Variants in LUZP2 observed in about 807,000 individuals in gnomAD.
LUZP2 encodes the protein leucine zipper protein 2.
In LUZP2, 52 loss-of-function variants were observed where a neutral mutation model predicts 51.6. That is an observed-to-expected ratio of 1.01 (90% CI 0.81 to 1.27). The LOEUF (loss-of-function observed/expected upper bound fraction) is 1.27. Ranked by LOEUF, LUZP2 falls within the 50% of genes most tolerant of loss-of-function variation. The pLI is 0.00. For missense variants in LUZP2, 436 were observed against 395.4 expected (o/e 1.10, Z -0.87); for synonymous variants, 154 against 137.3 (o/e 1.12, Z -0.85).
At chr11:24,635,024 A>G (rs1169730415) in intron 1 of LUZP2, among the ~76,000 whole-genome samples, 2 of 151,954 alleles carry the variant, frequency 1.3e-5, no homozygotes, top group Admixed American at 6.6e-5. Flanking sequence ...TATCCTTGTT[A>G]CCTTTTACCA....
At chr11:24,631,647 C>T (rs950157201) in intron 1 of LUZP2, among the ~76,000 whole-genome samples, 13 of 151,688 alleles carry the variant, frequency 8.6e-5, no homozygotes, top group African/African-American at 2.2e-4. Context: ...TCAGGGATAT[C>T]GGTCTGTAGT....
rs148343232 is a variant in LUZP2 at position 24,926,443 on chromosome 11, A to G, written c.522+11905A>G. Among the ~76,000 whole-genome samples, 751 of 143,448 alleles carry G rather than the reference A, an allele frequency of 5.2e-3. 29 individuals are homozygous for G. Among genetic ancestry groups the G allele is most frequent in the African/African-American group, 0.019 (717 of 38,214 alleles). The allele number at this position is 143,448 out of a possible 152,430, so 94.1% of individuals were successfully genotyped here. A position where few individuals can be genotyped will look rare whatever the true frequency, so the allele number is the denominator to read the frequency against. ...TATATGTGTGTATATATATACGTGT[A>G]TATATGTGTGTGTATATATATACGT... On this transcript the variant is annotated intron_variant, in intron 7 of 11. Transcript: ENST00000336930.
intron 1 of LUZP2, among the ~76,000 whole-genome samples, chr11:24,562,899 C>G (rs1483002632): frequency 1.3e-5 from 2 of 150,084 alleles, no homozygotes; most frequent in Non-Finnish European, 3.0e-5. Context: ...TAATTAATAA[C>G]TGGGTCATGA....
intron 1 of LUZP2, among the ~76,000 whole-genome samples, chr11:24,564,378 G>C (rs1282931763): frequency 1.3e-5 from 2 of 152,012 alleles, no homozygotes; most frequent in African/African-American, 2.4e-5. Context: ...TAATATAACT[G>C]AAATTTTAAT....
At chr11:24,957,864 A>G (rs1855255892) in intron 7 of LUZP2, among the ~76,000 whole-genome samples, 1 of 152,118 alleles carries the variant, frequency 6.6e-6, no homozygotes, top group Non-Finnish European at 1.5e-5. Context: ...CTAACTCGTC[A>G]TCTAGCATTA....
chr11:24,528,098 C>G (rs369655265), intron 1 of LUZP2, among the ~76,000 whole-genome samples: 2 of 151,018 alleles, frequency 1.3e-5, no homozygotes, highest in Non-Finnish European at 3.0e-5. Context: ...TTTGATGAAG[C>G]ATAAGAGTTC....
At chr11:24,657,716 T>C (rs1475335214) in intron 1 of LUZP2, among the ~76,000 whole-genome samples, 1 of 152,150 alleles carries the variant, frequency 6.6e-6, no homozygotes, top group Non-Finnish European at 1.5e-5. Context: ...ACCTGATAGG[T>C]AACTTCAGCA....
At chr11:24,872,028 C>A (rs966894216) in intron 5 of LUZP2, among the ~76,000 whole-genome samples, 1 of 151,972 alleles carries the variant, frequency 6.6e-6, no homozygotes, top group African/African-American at 2.4e-5. Context: ...CTCTCATTCC[C>A]CTCTGTTTTC....
chr11:24,617,407 T>A (rs1238478340), intron 1 of LUZP2, among the ~76,000 whole-genome samples: 1 of 152,222 alleles, frequency 6.6e-6, no homozygotes, highest in Non-Finnish European at 1.5e-5. Flanking sequence ...TAGTGATGAC[T>A]TCTTTAAAAT....
intron 9 of LUZP2, among the ~76,000 whole-genome samples, chr11:24,985,952 G>A (rs902469581): frequency 6.6e-6 from 1 of 151,728 alleles, no homozygotes; most frequent in Admixed American, 6.6e-5. Flanking sequence ...CACTAGACAT[G>A]AGAAGTAACA....
chr11:24,589,508 C>T (rs1853187530), intron 1 of LUZP2, among the ~76,000 whole-genome samples: 1 of 152,140 alleles, frequency 6.6e-6, no homozygotes, highest in Non-Finnish European at 1.5e-5. Flanking sequence ...TGATATCAGA[C>T]TTCTAATATC....
chr11:24,656,809 C>G (rs1392003547), intron 1 of LUZP2, among the ~76,000 whole-genome samples: 3 of 152,228 alleles, frequency 2.0e-5, no homozygotes, highest in Non-Finnish European at 4.4e-5. Flanking sequence ...GTCTCCTCCT[C>G]TGCGTATCCC....
intron 5 of LUZP2, among the ~76,000 whole-genome samples, chr11:24,815,960 G>A (rs1385876276): frequency 6.7e-6 from 1 of 149,576 alleles, no homozygotes; most frequent in Non-Finnish European, 1.5e-5. Flanking sequence ...GAGTGGGTTT[G>A]GTTTGTATTA....
intron 5 of LUZP2, among the ~76,000 whole-genome samples, chr11:24,831,608 T>C (rs577410788): frequency 2.2e-4 from 33 of 152,282 alleles, no homozygotes; most frequent in Admixed American, 9.8e-4. Flanking sequence ...TTACATATAA[T>C]GAAGAGCTTA....
chr11:24,824,474 G>A (rs74596506), intron 5 of LUZP2, among the ~76,000 whole-genome samples: 5,784 of 148,944 alleles, frequency 0.039, 221 homozygotes, highest in East Asian at 0.13. Flanking sequence ...AGAAGGAACC[G>A]TCAAGACAAC....
intron 5 of LUZP2, among the ~76,000 whole-genome samples, chr11:24,810,862 G>A (rs962317663): frequency 3.3e-5 from 5 of 152,236 alleles, no homozygotes; most frequent in East Asian, 1.9e-4. Flanking sequence ...TACCGTGTAT[G>A]CTCAGTGTCA....
intron 5 of LUZP2, among the ~76,000 whole-genome samples, chr11:24,870,486 C>CAG (rs1554927683): frequency 1.2e-4 from 4 of 32,584 alleles, no homozygotes; most frequent in Non-Finnish European, 1.9e-4. Flanking sequence ...CACACACACA[C>CAG]ACAGACACAC....
At chr11:24,981,963 C>T (rs536184169) in intron 8 of LUZP2, among the ~76,000 whole-genome samples, 4 of 151,712 alleles carry the variant, frequency 2.6e-5, no homozygotes, top group Non-Finnish European at 5.9e-5. Context: ...CATGAACAGA[C>T]ACTTTTCAAA....
At chr11:25,044,251 GTGTGTGTATATATATATATATATATATA>G (rs1858213587) in intron 9 of LUZP2, among the ~76,000 whole-genome samples, 1 of 117,642 alleles carries the variant, frequency 8.5e-6, no homozygotes, top group South Asian at 2.7e-4. Context: ...GTGTGTGTGT[GTGTGTGTATATATATATATATATATATA>G]TATATATATA....
Sources: allele counts gnomAD v4.1 joint callset (sites outside exome capture counted in the v4.1 genomes callset), GRCh38; gene constraint gnomAD v4.1.1; transcripts MANE v1.5; gene names NCBI Gene and HGNC (gene_info 2026-07-23, HGNC 2026-07-21).